ROR1: variants seen among roughly 807,000 people sequenced by gnomAD.
ROR1 encodes the protein ROR family WNT receptor 1, also known as inactive tyrosine-protein kinase transmembrane receptor ROR1.
Under a neutral mutation model 78.8 loss-of-function variants are expected in ROR1, and 19 were observed. The observed-to-expected ratio is 0.24, with a 90% confidence interval of 0.17 to 0.35. The LOEUF (loss-of-function observed/expected upper bound fraction) is 0.35, where lower values mean the gene tolerates loss of function less well. Among genes scored for constraint, ROR1 ranks in the 10% least tolerant of loss-of-function variants. The probability of loss-of-function intolerance (pLI) is 1.00; values close to 1 mark genes in which losing one functional copy is unlikely to be tolerated. For missense variants in ROR1, 917 were observed against 1,177.8 expected, an observed-to-expected ratio of 0.78 and a Z score of 3.24; for synonymous variants, 386 against 433.6, an observed-to-expected ratio of 0.89 and a Z score of 1.36.
intron 4 of ROR1, among the ~76,000 whole-genome samples, chr1:64,081,822 A>G (rs1416838455): frequency 6.6e-6 from 1 of 151,800 alleles, no homozygotes; most frequent in East Asian, 1.9e-4. Context: ...ATACACAAAC[A>G]CACATTTATA....
intron 7 of ROR1, among the ~76,000 whole-genome samples, chr1:64,155,274 G>A (rs186164821): frequency 1.3e-5 from 2 of 152,266 alleles, no homozygotes; most frequent in African/African-American, 4.8e-5. Flanking sequence ...CATTTGGAAG[G>A]CTCATTGTTC....
intron 7 of ROR1, among the ~76,000 whole-genome samples, chr1:64,146,170 A>G (rs903959677): frequency 2.0e-5 from 3 of 152,148 alleles, no homozygotes; most frequent in African/African-American, 7.2e-5. Flanking sequence ...CCAGCTTTAA[A>G]TGAATTGTTT....
intron 1 of ROR1, among the ~76,000 whole-genome samples, chr1:63,870,635 T>G (rs1009430653): frequency 2.6e-5 from 4 of 152,326 alleles, no homozygotes; most frequent in Admixed American, 2.6e-4. Flanking sequence ...TGCTCTTGAC[T>G]TGGGCTGAAT....
chr1:64,134,598 G>T (rs1432053966), intron 4 of ROR1, among the ~76,000 whole-genome samples: 1 of 152,062 alleles, frequency 6.6e-6, no homozygotes, highest in Non-Finnish European at 1.5e-5. Flanking sequence ...TTTTTTCAGT[G>T]TTGTGGTTCT....
At chr1:63,946,765 G>A (rs1645892835) in intron 1 of ROR1, among the ~76,000 whole-genome samples, 1 of 152,140 alleles carries the variant, frequency 6.6e-6, no homozygotes, top group Non-Finnish European at 1.5e-5. Context: ...ACAGGCACAG[G>A]TCATCCTTGC....
At chr1:64,005,421 G>T (rs12076347) in intron 1 of ROR1, among the ~76,000 whole-genome samples, 6,500 of 152,256 alleles carry the variant, frequency 0.043, 494 homozygotes, top group African/African-American at 0.15. Context: ...CCATTAAATA[G>T]TCTACTGTCT....
intron 1 of ROR1, among the ~76,000 whole-genome samples, chr1:63,934,285 CG>C (rs1645776834): frequency 6.6e-6 from 1 of 152,040 alleles, no homozygotes; most frequent in Non-Finnish European, 1.5e-5. Flanking sequence ...TGGTTTGAAC[CG>C]AGCCATACCA....
At chr1:63,939,085 A>T (rs1645816290) in intron 1 of ROR1, among the ~76,000 whole-genome samples, 1 of 152,220 alleles carries the variant, frequency 6.6e-6, no homozygotes, top group Non-Finnish European at 1.5e-5. Context: ...ACCCTGGGTC[A>T]TTGTCTGAAG....
intron 2 of ROR1, among the ~76,000 whole-genome samples, chr1:64,046,406 A>T (rs767355331): frequency 6.6e-6 from 1 of 152,238 alleles, no homozygotes; most frequent in Non-Finnish European, 1.5e-5. Context: ...TCCTTTGTTC[A>T]GTAAACACAA....
chr1:63,879,606 C>G (rs1342909911), intron 1 of ROR1, among the ~76,000 whole-genome samples: 1 of 152,126 alleles, frequency 6.6e-6, no homozygotes, highest in Non-Finnish European at 1.5e-5. Flanking sequence ...CTGGCCCACC[C>G]TTGAAGTTGT....
At chr1:64,125,529 G>A (rs1648680296) in intron 4 of ROR1, among the ~76,000 whole-genome samples, 1 of 152,174 alleles carries the variant, frequency 6.6e-6, no homozygotes, top group African/African-American at 2.4e-5. Context: ...CATGGAGTCA[G>A]ATACGATTCC....
intron 4 of ROR1, among the ~76,000 whole-genome samples, chr1:64,084,500 A>G (rs972367458): frequency 5.3e-5 from 8 of 152,344 alleles, no homozygotes; most frequent in African/African-American, 1.4e-4. Flanking sequence ...TATCTTGGGT[A>G]TGCAACTCTA....
At chr1:63,949,684 A>G (rs929709629) in intron 1 of ROR1, among the ~76,000 whole-genome samples, 1 of 151,238 alleles carries the variant, frequency 6.6e-6, no homozygotes. Flanking sequence ...TTAGTAATTT[A>G]CTCCTTCAGT....
At chr1:64,132,760 C>CAAAAA (rs749607703) in intron 4 of ROR1, among the ~76,000 whole-genome samples, 8 of 70,418 alleles carry the variant, frequency 1.1e-4, no homozygotes, top group Non-Finnish European at 1.5e-4. Flanking sequence ...GACTCCATCT[C>CAAAAA]AAAAAAAAAA....
intron 1 of ROR1, among the ~76,000 whole-genome samples, chr1:64,001,151 C>T (rs897391403): frequency 1.3e-5 from 2 of 152,176 alleles, no homozygotes; most frequent in African/African-American, 4.8e-5. Context: ...ATACTCTACA[C>T]AGCAATAAAA....
intron 1 of ROR1, among the ~76,000 whole-genome samples, chr1:63,987,867 A>C (rs1287842482): frequency 1.3e-5 from 2 of 152,216 alleles, no homozygotes; most frequent in Non-Finnish European, 2.9e-5. Context: ...TGGAAGTAAA[A>C]TAGCAAATTG....
chr1:64,144,878 A>T (rs1307780378), intron 7 of ROR1, among the ~76,000 whole-genome samples: 1 of 152,212 alleles, frequency 6.6e-6, no homozygotes, highest in Non-Finnish European at 1.5e-5. Flanking sequence ...TCTCATGTTT[A>T]AGTGCCTGGG....
intron 2 of ROR1, among the ~76,000 whole-genome samples, chr1:64,041,635 C>G (rs1396051536): frequency 1.3e-5 from 2 of 152,116 alleles, no homozygotes; most frequent in Non-Finnish European, 2.9e-5. Flanking sequence ...TGTGTGTTCT[C>G]TCCCCAAAAA....
chr1:63,984,076 T>A (rs1035054706), intron 1 of ROR1, among the ~76,000 whole-genome samples: 1 of 152,158 alleles, frequency 6.6e-6, no homozygotes. Flanking sequence ...GAAGACCAAG[T>A]TGAAACATGC....
Sources: gnomAD v4.1 joint callset for allele counts (sites outside exome capture counted in the v4.1 genomes callset) on GRCh38, gnomAD v4.1.1 for gene constraint, MANE v1.5 for transcripts, NCBI Gene and HGNC (gene_info 2026-07-23, HGNC 2026-07-21) for gene names.